Variants in PI4KA observed in about 807,000 individuals in gnomAD.
PI4KA encodes PI4-kinase alpha.
A neutral mutation model predicts 271.4 loss-of-function variants in PI4KA; 122 were observed. That is an observed-to-expected ratio of 0.45 (90% CI 0.39 to 0.52). The LOEUF is 0.52. PI4KA is among the 20% of genes least tolerant of loss of function. PI4KA has a pLI of 0.00. For missense variants in PI4KA, 1,969 were observed against 2,769.1 expected (o/e 0.71, Z 6.48); for synonymous variants, 1,041 against 1,078.8 (o/e 0.96, Z 0.69).
At chr22:20,832,565 T>G (rs1924328487) in intron 3 of PI4KA, among the ~76,000 whole-genome samples, 1 of 152,170 alleles carries the variant, frequency 6.6e-6, no homozygotes, top group Non-Finnish European at 1.5e-5. Context: ...GCGATTCTCC[T>G]GCCTCAGCCA....
At chr22:20,810,919 C>T (rs755083216) in intron 9 of PI4KA, 48 bp downstream of exon 9, 31 of 1,381,018 alleles carry the variant, frequency 2.2e-5, no homozygotes, top group Admixed American at 6.7e-5. Context: ...TCTCTACACA[C>T]GTTTAAGTCA....
At chr22:20,804,155 A>G in intron 12 of PI4KA, 145 bp downstream of exon 12, 2 of 634,276 alleles carry the variant, frequency 3.2e-6, no homozygotes, top group Non-Finnish European at 5.7e-6. Context: ...AACTGTGCAC[A>G]GCACGCACTG....
At chr22:20,833,697 G>A (rs1287284013) in intron 3 of PI4KA, among the ~76,000 whole-genome samples, 1 of 132,970 alleles carries the variant, frequency 7.5e-6, no homozygotes, top group Non-Finnish European at 1.5e-5. Context: ...GTCTCGTGCT[G>A]TCGCCCAGGC....
intron 1 of PI4KA, among the ~76,000 whole-genome samples, chr22:20,844,989 A>C (rs962723789): frequency 2.0e-5 from 3 of 152,222 alleles, no homozygotes; most frequent in Non-Finnish European, 2.9e-5. Context: ...GGAGTGGGTC[A>C]TTATAAAAAG....
intron 19 of PI4KA, chr22:20,787,427 C>T (rs928499687): frequency 8.3e-6 from 3 of 359,286 alleles, no homozygotes; most frequent in African/African-American, 4.3e-5. Flanking sequence ...CTTTCTCCAC[C>T]AGGCCCCTCA....
At chr22:20,857,451 C>A (rs543400663) in intron 1 of PI4KA, among the ~76,000 whole-genome samples, 10 of 152,336 alleles carry the variant, frequency 6.6e-5, no homozygotes, top group Admixed American at 6.5e-4. Context: ...CATCAGCAGA[C>A]AGCCACAAAA....
chr22:20,831,307 T>C (rs1924130777), intron 3 of PI4KA, among the ~76,000 whole-genome samples: 1 of 152,176 alleles, frequency 6.6e-6, no homozygotes, highest in Admixed American at 6.6e-5. Flanking sequence ...GGCTCATGCC[T>C]GCAATCCCAG....
At chr22:20,783,622 C>A (rs1213091596) in intron 19 of PI4KA, among the ~76,000 whole-genome samples, 1 of 151,860 alleles carries the variant, frequency 6.6e-6, no homozygotes, top group Admixed American at 6.6e-5. Flanking sequence ...GTCTCAAAAA[C>A]CAAATAATAA....
intron 1 of PI4KA, among the ~76,000 whole-genome samples, chr22:20,844,489 C>T (rs1926002032): frequency 6.6e-6 from 1 of 152,170 alleles, no homozygotes; most frequent in Admixed American, 6.5e-5. Context: ...TGTACAGTCA[C>T]TCCCTCATGA....
At chr22:20,759,548 C>A (rs1249991801) in intron 23 of PI4KA, among the ~76,000 whole-genome samples, 1 of 151,566 alleles carries the variant, frequency 6.6e-6, no homozygotes, top group Non-Finnish European at 1.5e-5. Flanking sequence ...GGACTACAGG[C>A]GTGCACCACC....
chr22:20,804,782 G>A (rs894824829), intron 11 of PI4KA, among the ~76,000 whole-genome samples, 192 bp downstream of exon 11: 3 of 152,230 alleles, frequency 2.0e-5, no homozygotes, highest in African/African-American at 7.2e-5. Context: ...CCTCCATGCA[G>A]GACAGGACAC....
Position 20,769,555 on chromosome 22 carries a change from G to C in PI4KA, c.2329-3862C>G, listed in dbSNP as rs556553765. The stretch of plus-strand genomic sequence containing the variant: ...GTGGTGGCACACACCTGTAGTCCCA[G>C]GTACTCGGGAGGCTGAAGCAGGAGA... On this transcript the variant is annotated intron_variant, in intron 19 of 54. Transcript: ENST00000255882. Among the ~76,000 whole-genome samples the C allele has an allele frequency of 7.9e-5, 12 of 152,170 alleles. No homozygotes were observed. The East Asian group carries it at 2.3e-3, about 29-fold the overall frequency.
At chr22:20,758,193 G>A (rs948660763) in intron 23 of PI4KA, among the ~76,000 whole-genome samples, 8 of 151,598 alleles carry the variant, frequency 5.3e-5, no homozygotes, top group South Asian at 4.2e-4. Flanking sequence ...GTGAAACCCC[G>A]TCTCTACTAA....
At chr22:20,804,902 G>A in intron 11 of PI4KA, 72 bp downstream of exon 11, 1 of 1,276,436 alleles carries the variant, frequency 7.8e-7, no homozygotes, top group Non-Finnish European at 1.1e-6. Context: ...AAGTAGTTTG[G>A]GGAAACTTGT....
rs780579425 is a variant in PI4KA, at chr22:20,742,222, T to A, written c.3741+6A>T. On this transcript the variant is annotated splice_donor_region_variant and intron_variant, in intron 32 of 54. Transcript: ENST00000255882. ...CCTCACTGCCAACCCGAGGTCAGGG[T>A]CCTACCGGCACTTCCACTCCATCCT... 2 of 1,613,572 alleles carry A rather than the reference T, an allele frequency of 1.2e-6. No individual in the cohort carries two copies. Among genetic ancestry groups the A allele is most frequent in the African/African-American group, 1.3e-5 (1 of 74,988 alleles).
intron 20 of PI4KA, 58 bp from the exon 21 acceptor site, chr22:20,765,294 G>T (rs537202521): frequency 1.4e-4 from 211 of 1,510,296 alleles, no homozygotes; most frequent in Middle Eastern, 1.3e-3. Flanking sequence ...ACTGCAGTGA[G>T]GTTGACTGAC....
intron 23 of PI4KA, among the ~76,000 whole-genome samples, chr22:20,756,007 A>T (rs1931252291): frequency 6.6e-6 from 1 of 151,944 alleles, no homozygotes; most frequent in Non-Finnish European, 1.5e-5. Context: ...TCAGCTTGGC[A>T]CCTCACACCC....
chr22:20,787,972 C>A (rs1365713012), intron 19 of PI4KA, among the ~76,000 whole-genome samples: 1 of 152,220 alleles, frequency 6.6e-6, no homozygotes, highest in Non-Finnish European at 1.5e-5. Context: ...CAGGCTGCTG[C>A]AGCTTTCATC....
At chr22:20,818,632 C>T (rs1275862076) in intron 6 of PI4KA, 83 bp from the exon 7 acceptor site, 19 of 1,031,786 alleles carry the variant, frequency 1.8e-5, no homozygotes, top group Admixed American at 3.3e-5. Flanking sequence ...TCCTCTCTGC[C>T]AGCCCAATGT....
Sources: gnomAD v4.1 joint callset for allele counts (sites outside exome capture counted in the v4.1 genomes callset) on GRCh38, gnomAD v4.1.1 for gene constraint, MANE v1.5 for transcripts, NCBI Gene and HGNC (gene_info 2026-07-23, HGNC 2026-07-21) for gene names.